Variants in NSD3 observed in about 807,000 individuals in gnomAD.
The protein encoded by NSD3 is nuclear receptor binding SET domain protein 3, also known as histone-lysine N-methyltransferase NSD3.
In NSD3, 24 loss-of-function variants were observed where a neutral mutation model predicts 160.8. The observed-to-expected ratio is 0.15, with a 90% CI of 0.11 to 0.21. The LOEUF (loss-of-function observed/expected upper bound fraction) is 0.21, where lower values mean the gene tolerates loss of function less well. NSD3 is among the 10% of genes least tolerant of loss of function. The pLI is 1.00. For synonymous variants in NSD3, 520 were observed against 600.0 expected (o/e 0.87, Z 1.95); for missense variants, 1,157 against 1,735.9 (o/e 0.67, Z 5.93).
chr8:38,350,706 A>G (rs1174976944), intron 1 of NSD3, among the ~76,000 whole-genome samples: 1 of 152,128 alleles, frequency 6.6e-6, no homozygotes, highest in Non-Finnish European at 1.5e-5. Flanking sequence ...TAAGTTTTTT[A>G]AGACTATATC....
At chr8:38,301,568 A>C (rs1809277373) in intron 14 of NSD3, among the ~76,000 whole-genome samples, 1 of 152,198 alleles carries the variant, frequency 6.6e-6, no homozygotes, top group Non-Finnish European at 1.5e-5. Context: ...CAACAAGAGC[A>C]AAACTCTGTC....
At chr8:38,325,141 GC>G (rs1809877201) in intron 7 of NSD3, among the ~76,000 whole-genome samples, 1 of 152,196 alleles carries the variant, frequency 6.6e-6, no homozygotes, top group Non-Finnish European at 1.5e-5. Flanking sequence ...AAGCTCTGAA[GC>G]CCCAGACTTG....
At position 38,272,203 on chromosome 8, in the gene NSD3, C is replaced by T. The variant is rs1433098186; in HGVS notation, c.*3438G>A. On this transcript the variant is annotated 3_prime_UTR_variant, in exon 24 of 24. Coordinates refer to ENST00000317025, the MANE Select transcript of NSD3 (RefSeq NM_023034.2). ...AAGGGAGCTGGGAGCAGTCCCCCTG[C>T]CTCCATTACTTTTTTAGCTTTCACA... 6.6e-6 allele frequency: 1 copy of T among 152,190 alleles called. No homozygotes were observed. The highest frequency in any genetic ancestry group is 1.5e-5 in the Non-Finnish European group (1 of 68,032). 9.4% of individuals were successfully genotyped at this position (152,190 alleles called of 1,614,324 possible).
In NSD3 at chr8:38,288,633, A is replaced by G; in HGVS notation, c.3355T>C (p.Leu1119=). ...GLESECLNRM[L]QYECHPQVCP... ...ACCTGCGGGTGGCATTCATACTGCAACATTCTGTTCAGGCACTCCGATTCC... is the reference window on the plus strand; with the variant it reads ...ACCTGCGGGTGGCATTCATACTGCAGCATTCTGTTCAGGCACTCCGATTCC... Residue 1119 remains leucine, a synonymous_variant, in exon 19 of 24, where the codon TTG becomes CTG. Coordinates refer to ENST00000317025, the MANE Select transcript of NSD3 (RefSeq NM_023034.2). The surrounding 1 kb of genome is among the most constrained non-coding windows in gnomAD (Gnocchi z 4.5). The G allele has an allele frequency of 6.2e-7, 1 of 1,614,246 alleles. No individual in the cohort carries two copies.
chr8:38,304,660 G>A lies in NSD3; in HGVS notation c.2538C>T (p.Ile846=). Residue 846 remains isoleucine, a synonymous_variant, in exon 14 of 24, where the codon ATC becomes ATT. Coordinates refer to ENST00000317025, the MANE Select transcript of NSD3 (RefSeq NM_023034.2). ...TGCTCCGTTTGGAATGATTACTACA[G>A]ATGAGAATGTAGGAGGATACTAACA... The part of the protein sequence containing the change: ...GSMLVSSYIL[I]CSNHSKRSSN... 1 of 1,614,098 alleles carries A rather than the reference G, an allele frequency of 6.2e-7. No homozygotes were observed. The highest frequency in any genetic ancestry group is 8.5e-7 in the Non-Finnish European group (1 of 1,180,010).
At chr8:38,305,178 T>A (rs987194916) in intron 13 of NSD3, 70 bp downstream of exon 13, 119 of 1,493,140 alleles carry the variant, frequency 8.0e-5, no homozygotes, top group Non-Finnish European at 1.1e-4. Context: ...GTTTGTAATA[T>A]ATGCTTGATA....
chr8:38,286,492 T>C (rs1808861639), intron 19 of NSD3, among the ~76,000 whole-genome samples: 1 of 152,208 alleles, frequency 6.6e-6, no homozygotes, highest in African/African-American at 2.4e-5. Flanking sequence ...GAGGACCCAG[T>C]TAAGGATTGC....
Position 38,278,128 on chromosome 8 carries a change from T to C in NSD3, c.3867+178A>G, listed in dbSNP as rs190123851. 1.9e-3 allele frequency among the ~76,000 whole-genome samples: 287 copies of C among 152,060 alleles called. 3 individuals carry two copies. The highest frequency in any genetic ancestry group is 2.5e-3 in the African/African-American group (102 of 41,500). Reference sequence around the variant, plus strand: ...TAATTTTTTGTATTTTTAGTAGAGATGGGGTTTCACCGTGTTAGCCAGGAT... The same window carrying C: ...TAATTTTTTGTATTTTTAGTAGAGACGGGGTTTCACCGTGTTAGCCAGGAT... On this transcript the variant is annotated intron_variant, in intron 22 of 23. Coordinates refer to ENST00000317025, the MANE Select transcript of NSD3 (RefSeq NM_023034.2).
chr8:38,331,245 A>G (rs550182751), intron 5 of NSD3, among the ~76,000 whole-genome samples, 186 bp downstream of exon 5: 4 of 152,338 alleles, frequency 2.6e-5, no homozygotes, highest in African/African-American at 7.2e-5. Context: ...CGTCGTTTAT[A>G]TGACATATAA....
intron 22 of NSD3, 76 bp downstream of exon 22, chr8:38,278,230 G>T (rs1272655658): frequency 2.2e-6 from 3 of 1,342,746 alleles, no homozygotes; most frequent in Admixed American, 2.1e-5. Flanking sequence ...GAGCCACCGC[G>T]CCCGGCCAAA....
intron 1 of NSD3, among the ~76,000 whole-genome samples, chr8:38,352,574 T>G (rs541508568): frequency 5.3e-5 from 8 of 152,350 alleles, no homozygotes; most frequent in African/African-American, 1.7e-4. Flanking sequence ...TAGGCATGTC[T>G]GACTCTGAAG....
Position 38,316,392 on chromosome 8 carries a change from A to G in NSD3, c.1856-350T>C. 1 of 1,083,492 alleles carries G rather than the reference A, an allele frequency of 9.2e-7. No individual in the cohort carries two copies. Among genetic ancestry groups the G allele is most frequent in the Non-Finnish European group, 1.1e-6 (1 of 889,438 alleles). 67.1% of individuals were successfully genotyped at this position (1,083,492 alleles called of 1,614,324 possible). On this transcript the variant is annotated intron_variant, in intron 9 of 23. Coordinates refer to ENST00000317025, the MANE Select transcript of NSD3 (RefSeq NM_023034.2). This position sits in a 1 kb window ranked among gnomAD's most constrained non-coding sequence, Gnocchi z 4.5. ...AAAGAACCATTCAATTTGGAGGGGG[A>G]AGACATAAAACCCAACACACTGTGT...
intron 1 of NSD3, among the ~76,000 whole-genome samples, chr8:38,373,618 AG>A (rs1811311413): frequency 6.6e-6 from 1 of 152,136 alleles, no homozygotes; most frequent in Admixed American, 6.5e-5. Flanking sequence ...TGCCACTAGG[AG>A]TATCTCCATA....
rs372891827 is a variant in NSD3, at chr8:38,319,462, C to T, written c.1810-522G>A. Reference sequence around the variant, plus strand: ...GCTCCATACAGCTGGAAGCTCAATACTTTTGCTGCTAGTACAAACTTAAGA... The same window carrying T: ...GCTCCATACAGCTGGAAGCTCAATATTTTTGCTGCTAGTACAAACTTAAGA... On this transcript the variant is annotated intron_variant, in intron 8 of 23. Coordinates refer to ENST00000317025, the MANE Select transcript of NSD3 (RefSeq NM_023034.2). The surrounding 1 kb of genome is among the most constrained non-coding windows in gnomAD (Gnocchi z 4.1). Among the ~76,000 whole-genome samples, 1 of 152,210 alleles carries T rather than the reference C, an allele frequency of 6.6e-6. No homozygotes were observed. Among genetic ancestry groups the T allele is most frequent in the Non-Finnish European group, 1.5e-5 (1 of 68,026 alleles).
chr8:38,358,750 C>A (rs996134012), intron 1 of NSD3, among the ~76,000 whole-genome samples: 2 of 151,972 alleles, frequency 1.3e-5, no homozygotes, highest in Non-Finnish European at 2.9e-5. Context: ...TCTTTGAAAT[C>A]AATTTAATAT....
chr8:38,370,711 A>G (rs975018012), intron 1 of NSD3, among the ~76,000 whole-genome samples: 1 of 152,146 alleles, frequency 6.6e-6, no homozygotes, highest in Non-Finnish European at 1.5e-5. Flanking sequence ...GAAATGTTCT[A>G]AAATTGATTG....
chr8:38,349,695 A>ATATT (rs1329318599), intron 1 of NSD3, among the ~76,000 whole-genome samples: 3 of 136,462 alleles, frequency 2.2e-5, no homozygotes, highest in African/African-American at 8.2e-5. Context: ...ATATATATGT[A>ATATT]TTTATTATAC....
intron 1 of NSD3, among the ~76,000 whole-genome samples, chr8:38,353,614 C>T (rs1810754063): frequency 6.6e-6 from 1 of 152,092 alleles, no homozygotes; most frequent in African/African-American, 2.4e-5. Flanking sequence ...CCTGTCTTCT[C>T]TAGCCCTAAC....
intron 14 of NSD3, among the ~76,000 whole-genome samples, chr8:38,300,981 G>GT (rs984521716): frequency 5.3e-5 from 8 of 152,062 alleles, no homozygotes; most frequent in African/African-American, 1.7e-4. Context: ...TTTTTGTTTT[G>GT]TTTTTTTGAG....
Sources: gnomAD v4.1 joint callset for allele counts (sites outside exome capture counted in the v4.1 genomes callset) on GRCh38, gnomAD v4.1.1 for gene constraint, Gnocchi (gnomAD v3.1) non-coding constraint, MANE v1.5 for transcripts, NCBI Gene and HGNC (gene_info 2026-07-23, HGNC 2026-07-21) for gene names.